Variants in CPXM2 observed in about 807,000 individuals in gnomAD.
CPXM2 encodes inactive carboxypeptidase-like protein X2.
In CPXM2, 66 loss-of-function variants were observed where a neutral mutation model predicts 86.1. The ratio of observed to expected loss-of-function variants is 0.77; its 90% CI spans 0.63 to 0.94. The LOEUF is 0.94. Ranked by LOEUF, CPXM2 falls within the 40% of genes least tolerant of loss-of-function variation. CPXM2 has a pLI of 0.00. For missense variants in CPXM2, 948 were observed against 1,026.3 expected (o/e 0.92, Z 1.04); for synonymous variants, 388 against 400.2 (o/e 0.97, Z 0.36).
chr10:123,830,870 CTCTGTGTGTGTGTGTGTG>C (rs1487652621), intron 4 of CPXM2, among the ~76,000 whole-genome samples: 2 of 102,678 alleles, frequency 1.9e-5, no homozygotes, highest in East Asian at 7.1e-4. Context: ...CTCTCTCTCT[CTCTGTGTGTGTGTGTGTG>C]TGTGTGTGTG....
chr10:123,854,180 A>G (rs894888541), intron 3 of CPXM2, among the ~76,000 whole-genome samples: 3 of 150,208 alleles, frequency 2.0e-5, no homozygotes, highest in Admixed American at 6.7e-5. Flanking sequence ...CTGAACGCAC[A>G]CACAGGCTCC....
At chr10:123,761,803 G>A in intron 11 of CPXM2, 69 bp downstream of exon 11, 1 of 1,474,014 alleles carries the variant, frequency 6.8e-7, no homozygotes, top group Non-Finnish European at 9.2e-7. Flanking sequence ...GACACCAGGA[G>A]GGCCAGGAGG....
chr10:123,862,122 C>T (rs1213730222), intron 3 of CPXM2, among the ~76,000 whole-genome samples: 1 of 152,154 alleles, frequency 6.6e-6, no homozygotes, highest in East Asian at 1.9e-4. Context: ...GGAGACCAGC[C>T]AGGATGTGCA....
At chr10:123,856,617 A>C (rs1848729768) in intron 3 of CPXM2, among the ~76,000 whole-genome samples, 1 of 151,884 alleles carries the variant, frequency 6.6e-6, no homozygotes, top group Non-Finnish European at 1.5e-5. Context: ...TTTGAGACAG[A>C]GTCTCATCCT....
chr10:123,934,416 A>C (rs1196841325), intron 2 of CPXM2, among the ~76,000 whole-genome samples: 2 of 148,820 alleles, frequency 1.3e-5, no homozygotes, highest in Admixed American at 6.8e-5. Context: ...GCATCTCGCC[A>C]ATCCCTGCCT....
chr10:123,886,183 G>T (rs780343933), intron 1 of CPXM2, among the ~76,000 whole-genome samples: 3 of 152,186 alleles, frequency 2.0e-5, no homozygotes, highest in Admixed American at 6.5e-5. Flanking sequence ...CATATAATTT[G>T]ACATGAAGGA....
chr10:123,870,418 G>A (rs534780974), intron 2 of CPXM2, among the ~76,000 whole-genome samples: 1 of 152,284 alleles, frequency 6.6e-6, no homozygotes, highest in South Asian at 2.1e-4. Flanking sequence ...GCGCTGCCAA[G>A]AACAAACTCA....
intron 9 of CPXM2, 55 bp downstream of exon 9, chr10:123,768,471 G>C (rs1846544461): frequency 6.8e-7 from 1 of 1,461,084 alleles, no homozygotes; most frequent in East Asian, 2.4e-5. Flanking sequence ...ACATACTCTG[G>C]AGCTGGGGCC....
chr10:123,808,764 A>G (rs1351868307), intron 4 of CPXM2, among the ~76,000 whole-genome samples: 1 of 152,222 alleles, frequency 6.6e-6, no homozygotes, highest in Admixed American at 6.5e-5. Flanking sequence ...AAAAGGCAGC[A>G]TAAACAAAAA....
At chr10:123,899,014 T>A (rs2134259056) in intron 2 of CPXM2, among the ~76,000 whole-genome samples, 1 of 152,324 alleles carries the variant, frequency 6.6e-6, no homozygotes, top group South Asian at 2.1e-4. Flanking sequence ...CCTCCCAAAG[T>A]GCTGGGATTA....
chr10:123,804,362 A>G (rs961426866), intron 4 of CPXM2, among the ~76,000 whole-genome samples: 2 of 152,188 alleles, frequency 1.3e-5, no homozygotes, highest in African/African-American at 4.8e-5. Context: ...TTACAGTATT[A>G]AATCTTCCAA....
chr10:123,840,263 G>T lies in CPXM2; in HGVS notation c.653+2086C>A, dbSNP rs570407236. On this transcript the variant is annotated intron_variant, in intron 4 of 13. Coordinates refer to ENST00000241305, the MANE Select transcript of CPXM2 (RefSeq NM_198148.3). ...ATCAACAGGGAAAACAATTGTCGTGGTAATAAGCTACTGCTAAAAGCAAAA... is the reference window on the plus strand; with the variant it reads ...ATCAACAGGGAAAACAATTGTCGTGTTAATAAGCTACTGCTAAAAGCAAAA... Among the ~76,000 whole-genome samples the T allele has an allele frequency of 1.5e-4, 23 of 152,238 alleles. 3 individuals carry two copies. The South Asian group carries it at 3.5e-3, about 23-fold the overall frequency.
chr10:123,862,250 G>C (rs1240471614), intron 3 of CPXM2, among the ~76,000 whole-genome samples: 1 of 152,212 alleles, frequency 6.6e-6, no homozygotes. Context: ...GGCAAGGGAA[G>C]ACAAATGCCA....
intron 2 of CPXM2, among the ~76,000 whole-genome samples, chr10:123,926,730 A>G (rs1456679697): frequency 6.6e-6 from 1 of 152,144 alleles, no homozygotes; most frequent in Non-Finnish European, 1.5e-5. Context: ...CAGCAGCCAT[A>G]TTGCAATCAT....
chr10:123,805,372 T>C lies in CPXM2; in HGVS notation c.654-6173A>G, dbSNP rs571973504. Among the ~76,000 whole-genome samples, 6 of 152,258 alleles carry C rather than the reference T, an allele frequency of 3.9e-5. 1 individual carries two copies. The highest frequency in any genetic ancestry group is 3.9e-4 in the Admixed American group (6 of 15,284). ...AATGTTCCCTCTGAGCACTCTTTAG[T>C]TTCATGCCATAAATTTCGATAGGTC... On this transcript the variant is annotated intron_variant, in intron 4 of 13. Coordinates refer to ENST00000241305, the MANE Select transcript of CPXM2 (RefSeq NM_198148.3).
chr10:123,899,417 G>C, intron 2 of CPXM2, among the ~76,000 whole-genome samples: 1 of 152,238 alleles, frequency 6.6e-6, no homozygotes, highest in East Asian at 1.9e-4. Context: ...CTAAATCAAT[G>C]AATTATCTGA....
chr10:123,749,310 G>A (rs1009906658), intron 13 of CPXM2, among the ~76,000 whole-genome samples: 1 of 152,132 alleles, frequency 6.6e-6, no homozygotes, highest in Non-Finnish European at 1.5e-5. Context: ...TTCTCACCAA[G>A]GGAGGTGTTC....
chr10:123,920,612 A>AT (rs1945572209), intron 2 of CPXM2, among the ~76,000 whole-genome samples: 1 of 152,176 alleles, frequency 6.6e-6, no homozygotes, highest in Non-Finnish European at 1.5e-5. Context: ...CTTTTATTTT[A>AT]TTTTTTAATA....
chr10:123,824,903 G>A (rs1848014385), intron 4 of CPXM2, among the ~76,000 whole-genome samples: 1 of 152,206 alleles, frequency 6.6e-6, no homozygotes, highest in Admixed American at 6.5e-5. Context: ...TCAACTGACT[G>A]CCATTTTGCC....
Sources: gnomAD v4.1 joint callset for allele counts (sites outside exome capture counted in the v4.1 genomes callset) on GRCh38, gnomAD v4.1.1 for gene constraint, MANE v1.5 for transcripts, NCBI Gene and HGNC (gene_info 2026-07-23, HGNC 2026-07-21) for gene names.